BTD: variants seen among roughly 807,000 people sequenced by gnomAD.
BTD encodes the protein biocytinase.
In BTD, 13 loss-of-function variants were observed where a neutral mutation model predicts 17.7. That is an observed-to-expected ratio of 0.74 (90% CI 0.48 to 1.17). BTD has a LOEUF of 1.17. BTD is among the 50% of genes most tolerant of loss of function. BTD has a pLI of 0.00. For synonymous variants in BTD, 240 were observed against 245.2 expected, an observed-to-expected ratio of 0.98 and a Z score of 0.20; for missense variants, 674 against 650.4, an observed-to-expected ratio of 1.04 and a Z score of -0.39.
chr3:15,695,146 T>G (rs191800621), intron 3 of BTD: 1 of 1,482,548 alleles, frequency 6.7e-7, no homozygotes, highest in Admixed American at 1.7e-5. Flanking sequence ...AGGAGGGAAC[T>G]GACCAATACT....
At chr3:15,641,259 G>A (rs2065496980) in intron 2 of BTD, among the ~76,000 whole-genome samples, 1 of 152,192 alleles carries the variant, frequency 6.6e-6, no homozygotes, top group South Asian at 2.1e-4. Context: ...GAGATTTCAA[G>A]CGAGTTCTTG....
At chr3:15,622,751 A>G (rs1559584825) in intron 1 of BTD, among the ~76,000 whole-genome samples, 1 of 152,012 alleles carries the variant, frequency 6.6e-6, no homozygotes, top group Non-Finnish European at 1.5e-5. Flanking sequence ...CACAATGCAC[A>G]TTAAGGATTT....
downstream of BTD, among the ~76,000 whole-genome samples, chr3:15,714,192 A>C (rs2072693580): frequency 6.6e-6 from 1 of 152,212 alleles, no homozygotes; most frequent in African/African-American, 2.4e-5. Flanking sequence ...AACTCAAGAA[A>C]TTAAAATCCT....
chr3:15,674,657 AG>A (rs374139504), intron 3 of BTD, among the ~76,000 whole-genome samples: 1 of 152,230 alleles, frequency 6.6e-6, no homozygotes, highest in African/African-American at 2.4e-5. Context: ...TGAGAGCACT[AG>A]GGAGTCAATG....
chr3:15,710,036 G>GTTTTTTTT (rs34686530), intron 3 of BTD, among the ~76,000 whole-genome samples: 1 of 146,336 alleles, frequency 6.8e-6, no homozygotes. Flanking sequence ...TTGCTTATAG[G>GTTTTTTTT]TTTTTTTTTT....
Position 15,645,269 on chromosome 3 carries a change from T to C in BTD, c.1353T>C (p.Cys451=), listed in dbSNP as rs3817641. 158,951 of 1,614,080 alleles carry C rather than the reference T, an allele frequency of 0.098. 9,928 individuals carry two copies. The highest frequency in any genetic ancestry group is 0.34 in the East Asian group (15,054 of 44,874). Residue 451 remains cysteine, a synonymous_variant, in exon 4 of 4, where the codon TGT becomes TGC. Transcript: ENST00000643237. Reference sequence around the variant, plus strand: ...GTGGGGGTCTTGGCTTCGACACCTGTGGACAGGAAATCACAGAGGCCACGG... The same window carrying C: ...GTGGGGGTCTTGGCTTCGACACCTGCGGACAGGAAATCACAGAGGCCACGG... ...VRCGGLGFDT[C]GQEITEATGI... is the part of the protein sequence containing the mutation.
At chr3:15,672,667 C>T (rs2066493159) in intron 3 of BTD, among the ~76,000 whole-genome samples, 2 of 152,188 alleles carry the variant, frequency 1.3e-5, no homozygotes. Flanking sequence ...GGCAGAACAA[C>T]CCATTACATA....
At chr3:15,620,973 C>T (rs1023662255) in intron 1 of BTD, among the ~76,000 whole-genome samples, 1 of 152,392 alleles carries the variant, frequency 6.6e-6, no homozygotes. Context: ...GGCCTGAGAA[C>T]CCAGGGGGCT....
chr3:15,645,209 CACTT>C lies in BTD; in HGVS notation c.1297_1300del (p.Tyr433ThrfsTer47). 6.2e-7 allele frequency: 1 copy of C among 1,614,190 alleles called. No homozygotes were observed. Among genetic ancestry groups the C allele is most frequent in the East Asian group, 2.2e-5 (1 of 44,884 alleles). Reference sequence around the variant, plus strand: ...TTGATGGGCTTCACACAGTACATGGCACTTACTACATCCAAGTGTGTGCCCTGGT... The same window carrying C: ...TTGATGGGCTTCACACAGTACATGGCACTACATCCAAGTGTGTGCCCTGGT... On this transcript the variant is annotated frameshift_variant, in exon 4 of 4. Transcript: ENST00000643237. LOFTEE classifies it high-confidence loss of function.
intron 1 of BTD, among the ~76,000 whole-genome samples, chr3:15,633,911 TCAA>T (rs1200541321): frequency 6.6e-6 from 1 of 152,206 alleles, no homozygotes; most frequent in African/African-American, 2.4e-5. Context: ...TTGTTTCTAC[TCAA>T]AAACTCATGA....
At chr3:15,644,128 G>A (rs1236763491) in intron 3 of BTD, among the ~76,000 whole-genome samples, 188 bp from the exon 4 acceptor site, 1 of 151,990 alleles carries the variant, frequency 6.6e-6, no homozygotes, top group African/African-American at 2.4e-5. Flanking sequence ...AGCCTCCCGA[G>A]TAGCTGGGAC....
chr3:15,654,125 G>A (rs2065845820), downstream of BTD, among the ~76,000 whole-genome samples: 1 of 152,204 alleles, frequency 6.6e-6, no homozygotes, highest in Non-Finnish European at 1.5e-5. Context: ...AAAGATATTT[G>A]TGCAGATTTT....
intron 1 of BTD, among the ~76,000 whole-genome samples, chr3:15,616,103 T>C (rs2064781525): frequency 6.6e-6 from 1 of 152,228 alleles, no homozygotes; most frequent in African/African-American, 2.4e-5. Context: ...AAAAAACTGC[T>C]ATAAACACTC....
chr3:15,610,377 T>C (rs2064582088), intron 1 of BTD, among the ~76,000 whole-genome samples: 2 of 152,220 alleles, frequency 1.3e-5, no homozygotes, highest in Admixed American at 6.5e-5. Flanking sequence ...AACATCTCAT[T>C]AGCCAAAGCA....
intron 2 of BTD, among the ~76,000 whole-genome samples, chr3:15,640,138 A>G (rs2065457678): frequency 6.6e-6 from 1 of 152,202 alleles, no homozygotes; most frequent in Non-Finnish European, 1.5e-5. Flanking sequence ...TCTAATTTTT[A>G]TACCCTTTGA....
intron 3 of BTD, among the ~76,000 whole-genome samples, chr3:15,708,448 T>C (rs2071763052): frequency 6.6e-6 from 1 of 152,060 alleles, no homozygotes; most frequent in South Asian, 2.1e-4. Flanking sequence ...CAATTTCTAT[T>C]CATGTCTCAG....
chr3:15,670,632 G>A, intron 3 of BTD: 1 of 1,402,902 alleles, frequency 7.1e-7, no homozygotes, highest in South Asian at 1.4e-5. Flanking sequence ...TAAGCCTAAA[G>A]TACTTCAACT....
intron 1 of BTD, among the ~76,000 whole-genome samples, chr3:15,626,791 A>AAAAAAG (rs1553650648): frequency 6.9e-6 from 1 of 145,976 alleles, no homozygotes; most frequent in Non-Finnish European, 1.5e-5. Flanking sequence ...AAAAAAAAAA[A>AAAAAAG]AAAAGAAAAG....
intron 3 of BTD, among the ~76,000 whole-genome samples, chr3:15,673,170 T>C (rs1272444975): frequency 1.3e-5 from 2 of 152,258 alleles, no homozygotes; most frequent in African/African-American, 2.4e-5. Context: ...AGTTGCATTT[T>C]TTGGGATGCC....
Sources: gnomAD v4.1 joint callset for allele counts (sites outside exome capture counted in the v4.1 genomes callset) on GRCh38, gnomAD v4.1.1 for gene constraint, MANE v1.5 for transcripts, NCBI Gene and HGNC (gene_info 2026-07-23, HGNC 2026-07-21) for gene names.